The following UNC80 variants were observed in gnomAD, a reference collection of about 807,000 sequenced individuals.
The protein encoded by UNC80 is unc-80 subunit of NALCN channel complex, also known as protein unc-80 homolog.
UNC80 carries 164 observed loss-of-function variants against 384.6 expected under a neutral mutation model. That is an observed-to-expected ratio of 0.43 (90% CI 0.38 to 0.49). The LOEUF (loss-of-function observed/expected upper bound fraction) is 0.49. Among genes scored for constraint, UNC80 ranks in the 20% least tolerant of loss-of-function variants. The probability of loss-of-function intolerance (pLI) is 0.00; values close to 1 mark genes in which losing one functional copy is unlikely to be tolerated. For synonymous variants in UNC80, 1,486 were observed against 1,527.8 expected, an observed-to-expected ratio of 0.97 and a Z score of 0.64; for missense variants, 3,330 against 4,143.0, an observed-to-expected ratio of 0.80 and a Z score of 5.39.
At chr2:209,910,859 A>G (rs1011982568) in intron 29 of UNC80, among the ~76,000 whole-genome samples, 4 of 152,192 alleles carry the variant, frequency 2.6e-5, no homozygotes, top group Non-Finnish European at 5.9e-5. Context: ...AAATCATAGT[A>G]AAATGAATCA....
chr2:209,838,569 T>A (rs937388405), intron 18 of UNC80, among the ~76,000 whole-genome samples: 4 of 152,106 alleles, frequency 2.6e-5, no homozygotes, highest in African/African-American at 7.2e-5. Context: ...ATTTAAATAT[T>A]TTTTTAAGAG....
intron 64 of UNC80, among the ~76,000 whole-genome samples, chr2:209,994,676 G>A (rs2093453274): frequency 6.6e-6 from 1 of 152,086 alleles, no homozygotes; most frequent in South Asian, 2.1e-4. Context: ...TTGGATTTCA[G>A]ATTTTTGGAT....
intron 12 of UNC80, 57 bp downstream of exon 12, chr2:209,819,318 T>C: frequency 6.8e-7 from 1 of 1,478,454 alleles, no homozygotes; most frequent in Admixed American, 2.3e-5. Flanking sequence ...ATTTGGTGCA[T>C]TTTTGCAATG....
chr2:209,992,275 A>G, intron 62 of UNC80, 28 bp downstream of exon 62: 1 of 1,540,592 alleles, frequency 6.5e-7, no homozygotes, highest in Non-Finnish European at 8.8e-7. Context: ...GCGCAAGAGA[A>G]CCATCCTACG....
intron 31 of UNC80, among the ~76,000 whole-genome samples, chr2:209,915,260 C>T (rs916940418): frequency 6.6e-6 from 1 of 151,910 alleles, no homozygotes; most frequent in Non-Finnish European, 1.5e-5. Context: ...AAAAAATTAG[C>T]CGGGCATGGT....
chr2:209,929,198 C>T (rs780059974), intron 36 of UNC80, among the ~76,000 whole-genome samples: 2 of 152,256 alleles, frequency 1.3e-5, no homozygotes, highest in South Asian at 2.1e-4. Context: ...TTGGGAAACA[C>T]GTTGAAACTA....
intron 11 of UNC80, among the ~76,000 whole-genome samples, chr2:209,818,372 A>T (rs1169135626): frequency 6.6e-6 from 1 of 151,868 alleles, no homozygotes; most frequent in Non-Finnish European, 1.5e-5. Context: ...TATTTTAGAT[A>T]AGTTCTTGTG....
chr2:209,867,383 A>C (rs1237041457), intron 22 of UNC80, among the ~76,000 whole-genome samples: 1 of 152,032 alleles, frequency 6.6e-6, no homozygotes, highest in Non-Finnish European at 1.5e-5. Context: ...AACATTATCA[A>C]TCTAAGAACA....
intron 21 of UNC80, among the ~76,000 whole-genome samples, chr2:209,843,473 C>T (rs191179469): frequency 6.6e-6 from 1 of 152,002 alleles, no homozygotes; most frequent in East Asian, 1.9e-4. Context: ...TTAAGTCACT[C>T]CCCCAGGAAG....
Position 209,872,990 on chromosome 2 carries a change from C to T in UNC80, c.3840+20C>T, listed in dbSNP as rs1309094232. On this transcript the variant is annotated intron_variant, in intron 23 of 64. Transcript: ENST00000673920. This position sits in a 1 kb window ranked among gnomAD's most constrained non-coding sequence, Gnocchi z 4.1. Reference sequence around the variant, plus strand: ...GGAGACGTGAGCTTTCGGTTTTCTTCTATAACAATTAGGTTGCTTAAGTGA... The same window carrying T: ...GGAGACGTGAGCTTTCGGTTTTCTTTTATAACAATTAGGTTGCTTAAGTGA... 6.5e-7 allele frequency: 1 copy of T among 1,548,718 alleles called. No individual in the cohort carries two copies. The highest frequency in any genetic ancestry group is 8.7e-7 in the Non-Finnish European group (1 of 1,144,530).
At position 209,926,167 on chromosome 2, in the gene UNC80, A is replaced by G. The variant is rs10194400; in HGVS notation, c.5663-676A>G. Among the ~76,000 whole-genome samples the G allele has an allele frequency of 3.3e-3, 505 of 152,298 alleles. 2 individuals carry two copies. The highest frequency in any genetic ancestry group is 0.012 in the African/African-American group (488 of 41,560). Reference sequence around the variant, plus strand: ...TGTGTGTTTTCTTCTACCCCATATTACTGCTTACTATCTCTCACACACTCA... The same window carrying G: ...TGTGTGTTTTCTTCTACCCCATATTGCTGCTTACTATCTCTCACACACTCA... On this transcript the variant is annotated intron_variant, in intron 35 of 64. Coordinates refer to ENST00000673920, the MANE Select transcript of UNC80 (RefSeq NM_001371986.1).
intron 35 of UNC80, among the ~76,000 whole-genome samples, chr2:209,924,664 C>A (rs2090289810): frequency 1.3e-5 from 2 of 152,170 alleles, no homozygotes; most frequent in Admixed American, 1.3e-4. Context: ...TTGCAAGCCC[C>A]CTAGAAATCT....
Position 209,859,083 on chromosome 2 carries a change from AAAG to A in UNC80, c.3627+9464_3627+9466del, listed in dbSNP as rs1312314706. ...TCTTTTTTTTAAATTTTTTTCTAAA[AAAG>A]AAGGATACATGTGCAGAATGTACAG... On this transcript the variant is annotated intron_variant, in intron 22 of 64. Transcript: ENST00000673920. Among the ~76,000 whole-genome samples, 8 of 152,292 alleles carry A rather than the reference AAAG, an allele frequency of 5.3e-5. No individual in the cohort carries two copies. The South Asian group carries it at 1.0e-3, about 20-fold the overall frequency.
intron 4 of UNC80, among the ~76,000 whole-genome samples, chr2:209,781,919 A>G (rs1189852659): frequency 6.6e-6 from 1 of 152,226 alleles, no homozygotes; most frequent in Non-Finnish European, 1.5e-5. Context: ...TGTATTCACA[A>G]AAACTCAAAC....
chr2:209,845,059 A>T (rs568596472), intron 21 of UNC80: 2 of 151,036 alleles, frequency 1.3e-5, no homozygotes, highest in East Asian at 3.9e-4. Flanking sequence ...TAAGGGGAGC[A>T]CTTGTGATGC....
intron 42 of UNC80, among the ~76,000 whole-genome samples, chr2:209,939,116 G>C (rs2091452339): frequency 6.6e-6 from 1 of 152,116 alleles, no homozygotes; most frequent in African/African-American, 2.4e-5. Context: ...GGAACTGACT[G>C]ACTCACTGAC....
intron 22 of UNC80, among the ~76,000 whole-genome samples, chr2:209,852,806 A>G (rs1574742808): frequency 6.6e-6 from 1 of 152,096 alleles, no homozygotes; most frequent in Non-Finnish European, 1.5e-5. Context: ...TTTCCTTTGT[A>G]TTTGGTTTCA....
At chr2:209,918,690 A>G (rs1464715465) in intron 33 of UNC80, 27 bp downstream of exon 33, 21 of 1,530,474 alleles carry the variant, frequency 1.4e-5, no homozygotes, top group Middle Eastern at 1.7e-4. Context: ...TCCAGGTTCC[A>G]TGGTGTACGT....
intron 23 of UNC80, among the ~76,000 whole-genome samples, chr2:209,875,578 T>C (rs2084702735): frequency 6.6e-6 from 1 of 152,208 alleles, no homozygotes; most frequent in Non-Finnish European, 1.5e-5. Flanking sequence ...TTCTCAAGAA[T>C]GTGAAATGAA....
Sources: allele counts gnomAD v4.1 joint callset (sites outside exome capture counted in the v4.1 genomes callset), GRCh38; gene constraint gnomAD v4.1.1; non-coding constraint Gnocchi (gnomAD v3.1); transcripts MANE v1.5; gene names NCBI Gene and HGNC (gene_info 2026-07-23, HGNC 2026-07-21).